IFT57: variants seen among roughly 807,000 people sequenced by gnomAD.
IFT57 encodes intraflagellar transport protein 57 homolog.
IFT57 carries 59 observed loss-of-function variants against 56.8 expected under a neutral mutation model. The observed-to-expected ratio is 1.04, with a 90% CI of 0.84 to 1.29. The LOEUF (loss-of-function observed/expected upper bound fraction) is 1.29, where lower values mean the gene tolerates loss of function less well. Among genes scored for constraint, IFT57 ranks in the 50% most tolerant of loss-of-function variants. The pLI is 0.00. For synonymous variants in IFT57, 209 were observed against 186.1 expected (o/e 1.12, Z -1.00); for missense variants, 470 against 522.1 (o/e 0.90, Z 0.97).
intron 3 of IFT57, among the ~76,000 whole-genome samples, chr3:108,214,431 G>A (rs924534896): frequency 3.3e-5 from 5 of 152,018 alleles, no homozygotes; most frequent in Non-Finnish European, 7.4e-5. Context: ...GATCATCTTT[G>A]TACATTTATC....
chr3:108,209,410 C>A (rs1381253491), intron 4 of IFT57, among the ~76,000 whole-genome samples: 1 of 152,108 alleles, frequency 6.6e-6, no homozygotes, highest in Non-Finnish European at 1.5e-5. Flanking sequence ...TATAACCATG[C>A]TATGTATGGT....
chr3:108,218,924 A>G (rs765779936), intron 2 of IFT57, among the ~76,000 whole-genome samples: 1 of 152,176 alleles, frequency 6.6e-6, no homozygotes, highest in African/African-American at 2.4e-5. Context: ...TTAGAGTGAA[A>G]AGAAACCAGT....
chr3:108,190,258 T>C (rs1367053320), intron 6 of IFT57, among the ~76,000 whole-genome samples: 1 of 152,110 alleles, frequency 6.6e-6, no homozygotes, highest in Non-Finnish European at 1.5e-5. Flanking sequence ...GAAGGCATGA[T>C]TGTGTTCTGA....
intron 2 of IFT57, among the ~76,000 whole-genome samples, chr3:108,219,057 C>T (rs1003331484): frequency 6.6e-6 from 1 of 152,010 alleles, no homozygotes; most frequent in African/African-American, 2.4e-5. Context: ...AGTACAACTG[C>T]TGTCATGGTC....
chr3:108,171,729 T>C (rs151290646), intron 6 of IFT57, among the ~76,000 whole-genome samples: 20 of 151,918 alleles, frequency 1.3e-4, no homozygotes, highest in Non-Finnish European at 2.2e-4. Context: ...TGGAAACCTA[T>C]TGGAGCCCAA....
intron 4 of IFT57, among the ~76,000 whole-genome samples, chr3:108,209,833 T>C (rs1388855929): frequency 6.6e-6 from 1 of 152,152 alleles, no homozygotes; most frequent in Non-Finnish European, 1.5e-5. Flanking sequence ...TCAGCTCTTC[T>C]GGGTCTCCGG....
At chr3:108,203,708 G>C (rs561364377) in intron 5 of IFT57, among the ~76,000 whole-genome samples, 1 of 152,254 alleles carries the variant, frequency 6.6e-6, no homozygotes, top group Non-Finnish European at 1.5e-5. Context: ...CAGTGAAAAA[G>C]CTCCTGCTCC....
chr3:108,173,131 GATTAA>G (rs1472849220), intron 6 of IFT57, among the ~76,000 whole-genome samples: 3 of 151,940 alleles, frequency 2.0e-5, no homozygotes, highest in African/African-American at 2.4e-5. Flanking sequence ...GCAAAGGACA[GATTAA>G]ATTAATTTTG....
intron 6 of IFT57, among the ~76,000 whole-genome samples, chr3:108,173,794 GTGTGTGTGTGTGTGTATA>G (rs1456581622): frequency 1.4e-5 from 2 of 148,100 alleles, no homozygotes; most frequent in African/African-American, 5.1e-5. Flanking sequence ...GTGTGTGTGT[GTGTGTGTGTGTGTGTATA>G]TAATATAGTA....
intron 2 of IFT57, among the ~76,000 whole-genome samples, chr3:108,219,205 T>C (rs1364622996): frequency 1.3e-5 from 2 of 152,094 alleles, no homozygotes. Context: ...AAAAAAATAT[T>C]ACTTTGGACT....
intron 4 of IFT57, among the ~76,000 whole-genome samples, chr3:108,206,925 T>C (rs2080317138): frequency 6.6e-6 from 1 of 152,062 alleles, no homozygotes; most frequent in Non-Finnish European, 1.5e-5. Flanking sequence ...AGAACCATTT[T>C]TGTAGTCAAT....
At chr3:108,221,959 G>A (rs2080408479) in intron 1 of IFT57, 152 bp downstream of exon 1, 1 of 1,430,976 alleles carries the variant, frequency 7.0e-7, no homozygotes, top group Middle Eastern at 1.8e-4. Context: ...GGACCTCCCG[G>A]GAGTTTGGGG....
chr3:108,164,412 C>G (rs1007378535), intron 9 of IFT57, among the ~76,000 whole-genome samples: 1 of 152,030 alleles, frequency 6.6e-6, no homozygotes, highest in Non-Finnish European at 1.5e-5. Context: ...AAATTTTTTA[C>G]ATGATCTACA....
At chr3:108,206,057 TTTATATATAA>T (rs1560122597) in intron 5 of IFT57, among the ~76,000 whole-genome samples, 3 of 105,350 alleles carry the variant, frequency 2.8e-5, no homozygotes, top group Non-Finnish European at 6.0e-5. Flanking sequence ...TTATATATTA[TTTATATATAA>T]TAATATATTA....
intron 6 of IFT57, among the ~76,000 whole-genome samples, chr3:108,186,825 A>G (rs2080186115): frequency 6.6e-6 from 1 of 152,086 alleles, no homozygotes; most frequent in Non-Finnish European, 1.5e-5. Context: ...AAGACAATGG[A>G]GATGAAGACC....
chr3:108,199,765 A>G (rs2080267291), intron 5 of IFT57, among the ~76,000 whole-genome samples: 1 of 152,168 alleles, frequency 6.6e-6, no homozygotes. Flanking sequence ...TGTTTTATAG[A>G]TTTATGGGTT....
chr3:108,185,690 G>C (rs1489389145), intron 6 of IFT57, among the ~76,000 whole-genome samples: 1 of 150,062 alleles, frequency 6.7e-6, no homozygotes, highest in Non-Finnish European at 1.5e-5. Context: ...AGGATTTAAA[G>C]CAGGAAGGGA....
At position 108,185,925 on chromosome 3, in the gene IFT57, G is replaced by A. The variant is rs548163231; in HGVS notation, c.777+5596C>T. Among the ~76,000 whole-genome samples the A allele has an allele frequency of 5.3e-5, 8 of 152,176 alleles. No homozygotes were observed. In the South Asian group the frequency reaches 1.7e-3, roughly 32 times the overall value. On this transcript the variant is annotated intron_variant, in intron 6 of 10. Transcript: ENST00000264538. ...GGAAGTACCTTGTTAGTAAGGGACT[G>A]CCCTTTAAAGTTTTTTGATATCGGA...
At chr3:108,211,651 C>T (rs558425526) in intron 4 of IFT57, among the ~76,000 whole-genome samples, 1 of 152,192 alleles carries the variant, frequency 6.6e-6, no homozygotes, top group African/African-American at 2.4e-5. Context: ...CTTTAAAATC[C>T]ATCACATTAA....
Sources: gnomAD v4.1 joint callset for allele counts (sites outside exome capture counted in the v4.1 genomes callset) on GRCh38, gnomAD v4.1.1 for gene constraint, MANE v1.5 for transcripts, NCBI Gene and HGNC (gene_info 2026-07-23, HGNC 2026-07-21) for gene names.